MACF1: variants seen among roughly 807,000 people sequenced by gnomAD.
MACF1 encodes the protein microtubule actin crosslinking factor 1, also known as microtubule-actin cross-linking factor 1.
Under a neutral mutation model 854.8 loss-of-function variants are expected in MACF1, and 193 were observed. That is an observed-to-expected ratio of 0.23 (90% confidence interval 0.20 to 0.25). The LOEUF (loss-of-function observed/expected upper bound fraction) is 0.25, where lower values mean the gene tolerates loss of function less well. Among genes scored for constraint, MACF1 ranks in the 10% least tolerant of loss-of-function variants. MACF1 has a pLI of 1.00. For synonymous variants in MACF1, 3,185 were observed against 3,226.7 expected, an observed-to-expected ratio of 0.99 and a Z score of 0.44; for missense variants, 7,722 against 8,929.1, an observed-to-expected ratio of 0.86 and a Z score of 5.45.
chr1:39,379,116 G>T, intron 53 of MACF1, 87 bp from the exon 54 acceptor site: 1 of 1,339,320 alleles, frequency 7.5e-7, no homozygotes. Flanking sequence ...GAAGGAGTAA[G>T]AGAGATGCAA....
intron 97 of MACF1, among the ~76,000 whole-genome samples, chr1:39,469,838 A>G (rs1395112382): frequency 2.0e-5 from 3 of 152,266 alleles, no homozygotes; most frequent in Non-Finnish European, 2.9e-5. Context: ...ACAAATACTT[A>G]TATAGTTTTA....
chr1:39,101,286 G>A (rs1324226188), intron 2 of MACF1, among the ~76,000 whole-genome samples: 2 of 150,684 alleles, frequency 1.3e-5, no homozygotes, highest in Admixed American at 6.6e-5. Context: ...GAACCCAGGA[G>A]GTGGAGGTTG....
rs1009134737 is a variant in MACF1 at position 39,485,976 on chromosome 1, T to C, written c.*182T>C. The C allele has an allele frequency of 3.1e-6, 2 of 644,134 alleles. No homozygotes were observed. The highest frequency in any genetic ancestry group is 3.8e-5 in the African/African-American group (2 of 52,766). The allele number at this position is 644,134 out of a possible 1,614,324, so 39.9% of individuals were successfully genotyped here. ...ATTTTCATGTGAATATTTATGTAGA[T>C]AAAATTTGCCTCCTGGTAACCCTGT... On this transcript the variant is annotated 3_prime_UTR_variant, in exon 101 of 101. Coordinates refer to ENST00000564288, the MANE Select transcript of MACF1 (RefSeq NM_001394062.1).
At chr1:39,104,652 G>A (rs1009738175) in intron 2 of MACF1, among the ~76,000 whole-genome samples, 1 of 152,116 alleles carries the variant, frequency 6.6e-6, no homozygotes, top group East Asian at 1.9e-4. Flanking sequence ...TCAGAATCCC[G>A]TTTTCGTGCC....
At position 39,233,775 on chromosome 1, in the gene MACF1, CTTTTTTTT is replaced by C. The variant is rs11286953; in HGVS notation, c.171+2547_171+2554del. Among the ~76,000 whole-genome samples the C allele has an allele frequency of 9.9e-4, 36 of 36,542 alleles. 3 individuals carry two copies. The highest frequency in any genetic ancestry group is 2.1e-3 in the Non-Finnish European group (33 of 15,602). The allele number at this position is 36,542 out of a possible 152,430, so 24.0% of individuals were successfully genotyped here. On this transcript the variant is annotated intron_variant, in intron 2 of 100. Coordinates refer to ENST00000564288, the MANE Select transcript of MACF1 (RefSeq NM_001394062.1). ...TCATCTGTATGTTACCTAGCCATAG[CTTTTTTTT>C]TTTTTTTTTTTTTTATTTATTTTTT...
At chr1:39,090,348 A>C (rs1270632356) in intron 2 of MACF1, among the ~76,000 whole-genome samples, 1 of 152,184 alleles carries the variant, frequency 6.6e-6, no homozygotes, top group East Asian at 1.9e-4. Context: ...GAGTGCCCTG[A>C]AAGTGGGGCA....
chr1:39,365,373 G>A (rs1240838939), intron 49 of MACF1, among the ~76,000 whole-genome samples: 1 of 152,150 alleles, frequency 6.6e-6, no homozygotes, highest in Non-Finnish European at 1.5e-5. Flanking sequence ...ACCACACCCA[G>A]CCCAAAATCT....
intron 85 of MACF1, among the ~76,000 whole-genome samples, chr1:39,451,780 A>AACTG (rs1241344462): frequency 3.9e-5 from 6 of 152,216 alleles, no homozygotes. Flanking sequence ...CAGATGAAGA[A>AACTG]ACTGGGCCTT....
At chr1:39,458,985 G>A in intron 90 of MACF1, 101 bp from the exon 91 acceptor site, 1 of 1,048,858 alleles carries the variant, frequency 9.5e-7, no homozygotes, top group Non-Finnish European at 1.4e-6. Context: ...CTCAGTTATT[G>A]ACTGGATATT....
chr1:39,105,602 C>A lies in MACF1; in HGVS notation c.220+21164C>A. The A allele has an allele frequency of 8.2e-7, 1 of 1,215,574 alleles. No individual in the cohort carries two copies. Among genetic ancestry groups the A allele is most frequent in the Non-Finnish European group, 1.1e-6 (1 of 951,534 alleles). 75.3% of individuals were successfully genotyped at this position (1,215,574 alleles called of 1,614,324 possible). ...GGAACCGGCAGCCCCCGGGGCTCGG[C>A]GAGAAGGCGGTGCGGGCGGCCATGG... On this transcript the variant is annotated intron_variant, in intron 2 of 93. Coordinates refer to the MACF1 transcript ENST00000361689. This position sits in a 1 kb window ranked among gnomAD's most constrained non-coding sequence, Gnocchi z 5.9.
intron 58 of MACF1, chr1:39,412,817 T>C: frequency 1.9e-6 from 3 of 1,612,712 alleles, no homozygotes; most frequent in Non-Finnish European, 1.7e-6. Flanking sequence ...GATGCTGCAC[T>C]GCCCAGCCCA....
chr1:39,404,387 C>G (rs1046705252), intron 58 of MACF1, among the ~76,000 whole-genome samples: 1 of 151,650 alleles, frequency 6.6e-6, no homozygotes, highest in Non-Finnish European at 1.5e-5. Context: ...AGGAGAATCA[C>G]TTAAACCTGG....
intron 2 of MACF1, among the ~76,000 whole-genome samples, chr1:39,167,731 G>T (rs1206684328): frequency 6.6e-6 from 1 of 151,934 alleles, no homozygotes; most frequent in Admixed American, 6.6e-5. Context: ...AAAATTAGCT[G>T]GGTGTGGTGA....
At chr1:39,199,703 T>C (rs1366420799), upstream of MACF1, among the ~76,000 whole-genome samples, 2 of 152,222 alleles carry the variant, frequency 1.3e-5, no homozygotes, top group African/African-American at 4.8e-5. Flanking sequence ...AGCAAGTCCA[T>C]CTTCTTCGAC....
At chr1:39,431,617 G>A (rs1012902393) in intron 66 of MACF1, among the ~76,000 whole-genome samples, 1 of 152,036 alleles carries the variant, frequency 6.6e-6, no homozygotes, top group African/African-American at 2.4e-5. Context: ...ATTGTGCTTG[G>A]GAGAAGCGTA....
chr1:39,251,698 A>G (rs1645041836), intron 3 of MACF1, 148 bp from the exon 4 acceptor site: 2 of 433,146 alleles, frequency 4.6e-6, no homozygotes, highest in South Asian at 1.5e-4. Context: ...TCTGGTTTTG[A>G]TTTAGTTTTG....
chr1:39,197,926 AG>A (rs1190899347), intron 2 of MACF1, among the ~76,000 whole-genome samples: 1 of 151,934 alleles, frequency 6.6e-6, no homozygotes, highest in Non-Finnish European at 1.5e-5. Flanking sequence ...TGCCAAGTGG[AG>A]TGGCTCATGT....
At chr1:39,405,883 T>C (rs1040433680) in intron 58 of MACF1, among the ~76,000 whole-genome samples, 8 of 123,764 alleles carry the variant, frequency 6.5e-5, no homozygotes, top group African/African-American at 2.9e-4. Flanking sequence ...GAACAGATGC[T>C]TTTTTTTTTT....
chr1:39,335,331 A>G lies in MACF1; in HGVS notation c.8743A>G (p.Thr2915Ala), dbSNP rs765936443. The G allele has an allele frequency of 2.2e-5, 35 of 1,613,838 alleles. No individual in the cohort carries two copies. Among genetic ancestry groups the G allele is most frequent in the Admixed American group, 3.3e-5 (2 of 59,982 alleles). ...DTNEEQEKAV[T>A]KIEIISHMKQ... ...AAATGAAGAGCAGGAAAAAGCAGTG[A>G]CAAAAATAGAAATTATTTCTCATAT... The change falls in exon 37 of 101, where the codon ACA (threonine) becomes GCA (alanine). Residue 2915 changes from threonine to alanine, a missense_variant. Thr to Ala is a moderately conservative substitution (Grantham distance 58). This residue lies in a region of MACF1 where 854 missense variants were observed against 852.6 expected (regional missense o/e 1.00). Transcript: ENST00000564288.
Sources: allele counts gnomAD v4.1 joint callset (sites outside exome capture counted in the v4.1 genomes callset), GRCh38; gene constraint gnomAD v4.1.1; regional missense constraint gnomAD v4.1.1; non-coding constraint Gnocchi (gnomAD v3.1); transcripts MANE v1.5; gene names NCBI Gene and HGNC (gene_info 2026-07-23, HGNC 2026-07-21).